BTBD9: variants seen among roughly 807,000 people sequenced by gnomAD.
BTBD9 encodes BTB domain containing 9, also known as BTB/POZ domain-containing protein 9.
In BTBD9, 49 loss-of-function variants were observed where a neutral mutation model predicts 64.3. That is an observed-to-expected ratio of 0.76 (90% confidence interval 0.61 to 0.97). The LOEUF is 0.97. BTBD9 is among the 50% of genes least tolerant of loss of function. The pLI is 0.00. For synonymous variants in BTBD9, 260 were observed against 274.7 expected (o/e 0.95, Z 0.53); for missense variants, 598 against 762.1 (o/e 0.78, Z 2.53).
chr6:38,550,682 C>T (rs1030884548), intron 6 of BTBD9, among the ~76,000 whole-genome samples: 4 of 152,112 alleles, frequency 2.6e-5, no homozygotes, highest in African/African-American at 7.2e-5. Flanking sequence ...TAAAATATGG[C>T]AGAATCTAAA....
At chr6:38,373,059 C>CTCA (rs1457184332) in intron 6 of BTBD9, among the ~76,000 whole-genome samples, 1 of 151,964 alleles carries the variant, frequency 6.6e-6, no homozygotes, top group Admixed American at 6.6e-5. Context: ...TGTGTGGTGA[C>CTCA]CAGCAGCAAG....
At chr6:38,210,718 G>C (rs926322467) in intron 9 of BTBD9, among the ~76,000 whole-genome samples, 62 of 152,318 alleles carry the variant, frequency 4.1e-4, no homozygotes, top group African/African-American at 1.4e-3. Flanking sequence ...AAACTCTGTT[G>C]AAACAGTTCT....
intron 6 of BTBD9, among the ~76,000 whole-genome samples, chr6:38,427,482 G>A (rs1297532802): frequency 2.0e-5 from 3 of 151,994 alleles, no homozygotes; most frequent in Non-Finnish European, 4.4e-5. Context: ...GCACCAGGGA[G>A]CTGGAGCAAC....
At chr6:38,461,338 C>T (rs1582466957) in intron 6 of BTBD9, among the ~76,000 whole-genome samples, 2 of 152,184 alleles carry the variant, frequency 1.3e-5, no homozygotes, top group African/African-American at 4.8e-5. Context: ...CCACTCCCTA[C>T]CTCTGTTTCC....
chr6:38,238,470 G>GTCTT (rs1763868547), intron 9 of BTBD9, among the ~76,000 whole-genome samples: 1 of 127,990 alleles, frequency 7.8e-6, no homozygotes, highest in African/African-American at 3.1e-5. Flanking sequence ...GGAGACCAAG[G>GTCTT]TTTTTTGTTT....
rs568001272 is a variant in BTBD9 at position 38,179,636 on chromosome 6, G to A, written c.1642-4454C>T. On this transcript the variant is annotated intron_variant, in intron 10 of 10. Transcript: ENST00000481247. ...GGGGCAGAGGCACCTCTGTGCAGGG[G>A]CCTGTGTTCACTCTTCTGCAAATGG... 55 of 456,772 alleles carry A rather than the reference G, an allele frequency of 1.2e-4. 1 individual carries two copies. Among genetic ancestry groups the A allele is most frequent in the Middle Eastern group, 9.8e-4 (3 of 3,076 alleles). The allele number at this position is 456,772 out of a possible 1,614,324, so 28.3% of individuals were successfully genotyped here.
intron 6 of BTBD9, among the ~76,000 whole-genome samples, chr6:38,564,345 C>A (rs996894324): frequency 5.3e-5 from 8 of 152,236 alleles, no homozygotes; most frequent in Non-Finnish European, 1.2e-4. Flanking sequence ...CAGTACAGTT[C>A]CTGCCATGTA....
At chr6:38,389,669 G>A (rs956579078) in intron 6 of BTBD9, among the ~76,000 whole-genome samples, 1 of 152,072 alleles carries the variant, frequency 6.6e-6, no homozygotes, top group African/African-American at 2.4e-5. Flanking sequence ...CACAGAAATG[G>A]CACAAAGGAT....
At chr6:38,280,897 A>G (rs1761486212) in intron 8 of BTBD9, among the ~76,000 whole-genome samples, 1 of 152,244 alleles carries the variant, frequency 6.6e-6, no homozygotes, top group East Asian at 1.9e-4. Context: ...AGTTTAGTCA[A>G]TGAGTGTTTA....
In BTBD9 at chr6:38,178,777, C is replaced by T. The variant is rs369564711; in HGVS notation, c.1642-3595G>A. Among the ~76,000 whole-genome samples, 292 of 152,088 alleles carry T rather than the reference C, an allele frequency of 1.9e-3. 3 individuals are homozygous for T. Among genetic ancestry groups the T allele is most frequent in the African/African-American group, 6.7e-3 (277 of 41,464 alleles). On this transcript the variant is annotated intron_variant, in intron 10 of 10. Transcript: ENST00000481247. ...GGAGGGGTGGGGCAGAGGCCACACC[C>T]AATGGGACAGGGCGAGGGCCTGGCC...
At chr6:38,508,227 C>A (rs1772625952) in intron 6 of BTBD9, among the ~76,000 whole-genome samples, 1 of 151,932 alleles carries the variant, frequency 6.6e-6, no homozygotes, top group South Asian at 2.1e-4. Context: ...GTCTTTTTGC[C>A]ACTACCAACT....
intron 6 of BTBD9, among the ~76,000 whole-genome samples, chr6:38,396,093 G>A (rs919435262): frequency 1.3e-5 from 2 of 152,118 alleles, no homozygotes; most frequent in Non-Finnish European, 2.9e-5. Context: ...AGAGGAAGGT[G>A]ACTGAGGTAA....
chr6:38,457,391 G>T (rs1383887041), intron 6 of BTBD9, among the ~76,000 whole-genome samples: 1 of 152,176 alleles, frequency 6.6e-6, no homozygotes, highest in Non-Finnish European at 1.5e-5. Flanking sequence ...CTACAGTGGT[G>T]TTAGTGCAGA....
intron 7 of BTBD9, among the ~76,000 whole-genome samples, chr6:38,324,417 C>T (rs1276011549): frequency 1.3e-5 from 2 of 152,294 alleles, no homozygotes; most frequent in East Asian, 3.9e-4. Flanking sequence ...GAACATCTAT[C>T]ATTTCAGTGG....
At chr6:38,290,337 G>A (rs953675693) in intron 7 of BTBD9, among the ~76,000 whole-genome samples, 3 of 151,510 alleles carry the variant, frequency 2.0e-5, no homozygotes, top group African/African-American at 7.3e-5. Flanking sequence ...AGAAACAGAA[G>A]TGGACTATAT....
chr6:38,516,364 TTA>T (rs1773025519), intron 6 of BTBD9, among the ~76,000 whole-genome samples: 1 of 152,252 alleles, frequency 6.6e-6, no homozygotes, highest in Admixed American at 6.5e-5. Flanking sequence ...TACTGTGACT[TTA>T]TGTCCCTAGG....
chr6:38,477,599 A>G (rs1383096737), intron 6 of BTBD9, among the ~76,000 whole-genome samples: 1 of 152,186 alleles, frequency 6.6e-6, no homozygotes, highest in Non-Finnish European at 1.5e-5. Flanking sequence ...CAATTCTCAC[A>G]TTTTACTGAG....
intron 9 of BTBD9, among the ~76,000 whole-genome samples, chr6:38,199,248 AC>A (rs554910137): frequency 2.0e-5 from 3 of 151,264 alleles, no homozygotes; most frequent in Admixed American, 6.6e-5. Context: ...GGATGGTGAG[AC>A]CCCCCCAGTT....
At chr6:38,505,309 T>C (rs919721747) in intron 6 of BTBD9, among the ~76,000 whole-genome samples, 12 of 152,122 alleles carry the variant, frequency 7.9e-5, no homozygotes, top group African/African-American at 2.9e-4. Context: ...TCCACATATC[T>C]ACATTCAGTT....
Sources: allele counts gnomAD v4.1 joint callset (sites outside exome capture counted in the v4.1 genomes callset), GRCh38; gene constraint gnomAD v4.1.1; transcripts MANE v1.5; gene names NCBI Gene and HGNC (gene_info 2026-07-23, HGNC 2026-07-21).